Variants in ADAM18 observed in about 807,000 individuals in gnomAD.
ADAM18 encodes disintegrin and metalloproteinase domain-containing protein 18.
Under a neutral mutation model 94.4 loss-of-function variants are expected in ADAM18, and 117 were observed. The observed-to-expected ratio is 1.24, with a 90% CI of 1.07 to 1.45. The LOEUF is 1.45. Ranked by LOEUF, ADAM18 falls within the 40% of genes most tolerant of loss-of-function variation. The pLI is 0.00. For missense variants in ADAM18, 936 were observed against 880.0 expected (o/e 1.06, Z -0.81); for synonymous variants, 327 against 291.6 (o/e 1.12, Z -1.24).
At chr8:39,608,704 GCTTTTTGTCTCTTGCCTAA>G (rs935291479) in intron 3 of ADAM18, among the ~76,000 whole-genome samples, 1 of 151,978 alleles carries the variant, frequency 6.6e-6, no homozygotes, top group African/African-American at 2.4e-5. Flanking sequence ...AAAGACTAAG[GCTTTTTGTCTCTTGCCTAA>G]CTCTGAATCC....
intron 14 of ADAM18, among the ~76,000 whole-genome samples, chr8:39,670,197 T>G (rs1821116477): frequency 6.6e-6 from 1 of 152,208 alleles, no homozygotes; most frequent in African/African-American, 2.4e-5. Context: ...TTGAGTTCAT[T>G]GTAGATTCTG....
chr8:39,640,952 T>C (rs1414286428), intron 10 of ADAM18, among the ~76,000 whole-genome samples: 2 of 152,128 alleles, frequency 1.3e-5, no homozygotes, highest in East Asian at 3.9e-4. Context: ...GCAAAAATTT[T>C]CTCCCATTCT....
At chr8:39,620,376 A>AG (rs1819578454) in intron 6 of ADAM18, among the ~76,000 whole-genome samples, 1 of 5,140 alleles carries the variant, frequency 1.9e-4, no homozygotes, top group Non-Finnish European at 9.5e-4. Context: ...AAAAAAAAAC[A>AG]AAAAAAAATC....
chr8:39,697,906 A>G (rs544249567), intron 17 of ADAM18, among the ~76,000 whole-genome samples: 14 of 151,988 alleles, frequency 9.2e-5, no homozygotes, highest in Non-Finnish European at 2.1e-4. Flanking sequence ...GTGTTTGCAT[A>G]TGATTTGCTC....
chr8:39,656,486 T>TG (rs1448778140), intron 12 of ADAM18, among the ~76,000 whole-genome samples: 2 of 152,168 alleles, frequency 1.3e-5, no homozygotes, highest in African/African-American at 4.8e-5. Flanking sequence ...TTCAGATATA[T>TG]TGTTGATAAA....
At chr8:39,682,642 C>T (rs957452876) in intron 16 of ADAM18, among the ~76,000 whole-genome samples, 1 of 152,136 alleles carries the variant, frequency 6.6e-6, no homozygotes, top group Non-Finnish European at 1.5e-5. Flanking sequence ...CTAATCCCCC[C>T]CCACACACAC....
rs538118214 is a variant in ADAM18, at chr8:39,635,737, C to CAAA, written c.589-1525_589-1524insAAA. Among the ~76,000 whole-genome samples, 184 of 152,202 alleles carry CAAA rather than the reference C, an allele frequency of 1.2e-3. 2 individuals carry two copies. Among genetic ancestry groups the CAAA allele is most frequent in the African/African-American group, 4.3e-3 (177 of 41,546 alleles). On this transcript the variant is annotated intron_variant, in intron 7 of 19. Coordinates refer to ENST00000265707, the MANE Select transcript of ADAM18 (RefSeq NM_014237.3). ...TCTTTGTCTTTCATGTACCTTGGCA[C>CAAA]AATTGGAGAATACGTGCCAGTTATT...
At chr8:39,610,057 C>T (rs368420850) in intron 5 of ADAM18, among the ~76,000 whole-genome samples, 12 of 152,174 alleles carry the variant, frequency 7.9e-5, no homozygotes, top group African/African-American at 2.9e-4. Flanking sequence ...AGAAAAAATG[C>T]TCCCTCTAAC....
chr8:39,677,972 T>C (rs1459408386), intron 15 of ADAM18, among the ~76,000 whole-genome samples: 2 of 152,198 alleles, frequency 1.3e-5, no homozygotes, highest in Non-Finnish European at 2.9e-5. Flanking sequence ...GAAGTATCTA[T>C]TAATAACTAA....
rs144309327 is a variant in ADAM18 at position 39,704,921 on chromosome 8, T to C, written c.1903-1869T>C. 1.6e-3 allele frequency among the ~76,000 whole-genome samples: 236 copies of C among 152,230 alleles called. 1 individual carries two copies. Among genetic ancestry groups the C allele is most frequent in the African/African-American group, 5.2e-3 (218 of 41,544 alleles). On this transcript the variant is annotated intron_variant, in intron 17 of 19. Coordinates refer to ENST00000265707, the MANE Select transcript of ADAM18 (RefSeq NM_014237.3). ...GTTCTGTCATGTCCTTGTACTTTCA[T>C]TGGAGGGGTGGGGAACTGGAATAAC...
In ADAM18 at chr8:39,637,612, A is replaced by T. The variant is rs780429788; in HGVS notation, c.736A>T (p.Ser246Cys). The change falls in exon 9 of 20, where the codon AGT becomes TGT. Residue 246 changes from serine to cysteine, a missense_variant. Physicochemically the swap from Ser to Cys is moderately radical, Grantham distance 112 (BLOSUM62 -1). Coordinates refer to ENST00000265707, the MANE Select transcript of ADAM18 (RefSeq NM_014237.3). ...LWSNENQIST[S>C]GDADDILQRF... is the part of the protein sequence containing the mutation. ...GTCAAATGAAAACCAGATTTCCACC[A>T]GTGGGGATGCTGATGATATATTACA... 1.9e-6 allele frequency: 3 copies of T among 1,612,892 alleles called. No homozygotes were observed. The South Asian group carries it at 3.3e-5, about 18-fold the overall frequency.
At chr8:39,654,716 G>C (rs1820639593) in intron 12 of ADAM18, among the ~76,000 whole-genome samples, 1 of 152,024 alleles carries the variant, frequency 6.6e-6, no homozygotes, top group Non-Finnish European at 1.5e-5. Flanking sequence ...GTTATTTTCT[G>C]TCATTTTGAT....
chr8:39,655,311 A>G (rs954657296), intron 12 of ADAM18, among the ~76,000 whole-genome samples: 44 of 152,152 alleles, frequency 2.9e-4, no homozygotes, highest in Admixed American at 2.7e-3. Flanking sequence ...ATGTTGTTGG[A>G]TATATCCATA....
intron 17 of ADAM18, among the ~76,000 whole-genome samples, chr8:39,698,151 G>T (rs940721629): frequency 6.6e-6 from 1 of 151,520 alleles, no homozygotes; most frequent in Admixed American, 6.6e-5. Context: ...TCTTCAATCT[G>T]GGTGTTTTAA....
intron 17 of ADAM18, among the ~76,000 whole-genome samples, chr8:39,695,386 TACTC>T (rs977243455): frequency 5.9e-4 from 89 of 151,706 alleles, no homozygotes; most frequent in African/African-American, 2.1e-3. Context: ...TGGCTTGACA[TACTC>T]ACCAGCATTT....
At chr8:39,729,409 C>G (rs929001234) in intron 19 of ADAM18, among the ~76,000 whole-genome samples, 4 of 152,056 alleles carry the variant, frequency 2.6e-5, no homozygotes, top group African/African-American at 4.8e-5. Flanking sequence ...TGAATATTAA[C>G]TATAAAATGA....
intron 17 of ADAM18, among the ~76,000 whole-genome samples, chr8:39,705,894 A>T (rs1822227164): frequency 6.6e-6 from 1 of 152,108 alleles, no homozygotes; most frequent in African/African-American, 2.4e-5. Context: ...AGAAGTTCAT[A>T]GTATATTGTT....
At chr8:39,651,336 G>A (rs1023066327) in intron 12 of ADAM18, among the ~76,000 whole-genome samples, 3 of 152,142 alleles carry the variant, frequency 2.0e-5, no homozygotes, top group Admixed American at 1.3e-4. Context: ...CCTTAGCACA[G>A]ACCCTTTACG....
At chr8:39,586,391 T>C (rs2129457903) in intron 2 of ADAM18, among the ~76,000 whole-genome samples, 1 of 152,334 alleles carries the variant, frequency 6.6e-6, no homozygotes. Context: ...AGTCTAATCT[T>C]TAATTTTTAA....
Sources: allele counts gnomAD v4.1 joint callset (sites outside exome capture counted in the v4.1 genomes callset), GRCh38; gene constraint gnomAD v4.1.1; transcripts MANE v1.5; gene names NCBI Gene and HGNC (gene_info 2026-07-23, HGNC 2026-07-21).